PLEKHG7: variants seen among roughly 807,000 people sequenced by gnomAD.
PLEKHG7 encodes pleckstrin homology and RhoGEF domain containing G7, also known as pleckstrin homology domain-containing family G member 7.
In PLEKHG7, 77 loss-of-function variants were observed where a neutral mutation model predicts 85.2. The observed-to-expected ratio is 0.90, with a 90% CI of 0.75 to 1.09. The LOEUF (loss-of-function observed/expected upper bound fraction) is 1.09. Among genes scored for constraint, PLEKHG7 ranks in the 50% least tolerant of loss-of-function variants. PLEKHG7 has a pLI of 0.00. For missense variants in PLEKHG7, 777 were observed against 804.3 expected (o/e 0.97, Z 0.41); for synonymous variants, 301 against 302.4 (o/e 1.00, Z 0.05).
chr12:92,743,381 T>C (rs892824797), intron 9 of PLEKHG7, among the ~76,000 whole-genome samples: 3 of 152,232 alleles, frequency 2.0e-5, no homozygotes, highest in Non-Finnish European at 4.4e-5. Context: ...AGTATACCTG[T>C]GCCTCACAAG....
chr12:92,731,922 T>C (rs71456575), intron 4 of PLEKHG7, among the ~76,000 whole-genome samples: 2,514 of 152,274 alleles, frequency 0.017, 35 homozygotes, highest in Middle Eastern at 0.065. Flanking sequence ...CTCAACATCT[T>C]CAGTACAGTT....
chr12:92,717,224 AT>A (rs1444505399), intron 3 of PLEKHG7, among the ~76,000 whole-genome samples: 2 of 152,238 alleles, frequency 1.3e-5, no homozygotes, highest in Non-Finnish European at 2.9e-5. Flanking sequence ...AATTAAATAC[AT>A]CCATATTAGC....
chr12:92,749,412 C>T (rs1872625571), intron 10 of PLEKHG7: 1 of 152,176 alleles, frequency 6.6e-6, no homozygotes, highest in Non-Finnish European at 1.5e-5. Flanking sequence ...ACACCTCAGC[C>T]TCCCACATAG....
At chr12:92,757,084 G>A (rs563878309) in intron 13 of PLEKHG7, among the ~76,000 whole-genome samples, 84 of 152,348 alleles carry the variant, frequency 5.5e-4, no homozygotes, top group Non-Finnish European at 1.0e-3. Context: ...TTAGTTTCTA[G>A]CAGAGTACAT....
At chr12:92,740,491 T>C (rs1422267216) in intron 7 of PLEKHG7, among the ~76,000 whole-genome samples, 1 of 152,216 alleles carries the variant, frequency 6.6e-6, no homozygotes. Flanking sequence ...CATATGAGAA[T>C]ACACCATGAA....
rs1871237330 is a variant in PLEKHG7, at chr12:92,706,702, T to C, written c.71T>C (p.Leu24Pro). The change falls in exon 2 of 17, where the codon CTG (leucine) becomes CCG (proline). Residue 24 changes from leucine (L) to proline (P), a missense_variant. By Grantham distance (98) the Leu-to-Pro change is moderately conservative. Around this residue, in one of 3 missense-constraint regions of PLEKHG7, gnomAD observed 252 missense variants for 241.9 expected, o/e 1.04. Coordinates refer to ENST00000344636, the MANE Select transcript of PLEKHG7 (RefSeq NM_001377329.1). Reference sequence around the variant, plus strand: ...TGTGGAGCCTCTCCTCGGCCCTCGCTGAGGAGCCTGCCAAAGAACCAGGGG... The same window carrying C: ...TGTGGAGCCTCTCCTCGGCCCTCGCCGAGGAGCCTGCCAAAGAACCAGGGG... The part of the protein sequence containing the change: ...QDCGASPRPS[L>P]RSLPKNQGSL... 1 of 1,614,120 alleles carries C rather than the reference T, an allele frequency of 6.2e-7. No homozygotes were observed. Among genetic ancestry groups the C allele is most frequent in the African/African-American group, 1.3e-5 (1 of 75,052 alleles).
rs1314595767 is a variant in PLEKHG7, at chr12:92,771,554, A to T, written c.*1359A>T. On this transcript the variant is annotated 3_prime_UTR_variant, in exon 17 of 17. Coordinates refer to ENST00000344636, the MANE Select transcript of PLEKHG7 (RefSeq NM_001377329.1). ...TAAGAATAAATGAGGTGGAGGGGAG[A>T]AAAAGGGGAGAATAGACTTCAAGCT... The T allele has an allele frequency of 6.6e-6, 1 of 152,094 alleles. No individual in the cohort carries two copies. The highest frequency in any genetic ancestry group is 1.9e-4 in the East Asian group (1 of 5,174). 9.4% of individuals were successfully genotyped at this position (152,094 alleles called of 1,614,324 possible).
chr12:92,762,068 A>G (rs1873051572), intron 14 of PLEKHG7, among the ~76,000 whole-genome samples: 1 of 152,226 alleles, frequency 6.6e-6, no homozygotes, highest in Non-Finnish European at 1.5e-5. Context: ...AAGGATGTCA[A>G]AAGAGGAATA....
chr12:92,721,479 A>G, intron 3 of PLEKHG7: 1 of 1,230,782 alleles, frequency 8.1e-7, no homozygotes, highest in East Asian at 3.2e-5. Context: ...CAGCCATGGG[A>G]CTAGTCCCTT....
At position 92,770,200 on chromosome 12, in the gene PLEKHG7, C is replaced by G; in HGVS notation, c.*5C>G. On this transcript the variant is annotated 3_prime_UTR_variant, in exon 17 of 17. Coordinates refer to ENST00000344636, the MANE Select transcript of PLEKHG7 (RefSeq NM_001377329.1). ...GCAGAATCCTCTGAAATTTAGGGAC[C>G]TAAAACAAGTGGCATGTCTTTTTAG... The G allele has an allele frequency of 6.4e-7, 1 of 1,555,700 alleles. No individual in the cohort carries two copies. Among genetic ancestry groups the G allele is most frequent in the Non-Finnish European group, 8.8e-7 (1 of 1,137,824 alleles).
chr12:92,739,157 CT>C (rs1487120385), intron 7 of PLEKHG7, among the ~76,000 whole-genome samples: 1 of 152,226 alleles, frequency 6.6e-6, no homozygotes, highest in East Asian at 1.9e-4. Flanking sequence ...GGTTGCTATC[CT>C]TGAGCTAATG....
intron 3 of PLEKHG7, chr12:92,721,332 G>A: frequency 1.7e-6 from 1 of 598,382 alleles, no homozygotes; most frequent in Non-Finnish European, 2.4e-6. Flanking sequence ...GGCCTGCTCA[G>A]CAGTGGGGTT....
rs771132449 is a variant in PLEKHG7, at chr12:92,707,649, G to A, written c.508-1G>A. 2.2e-5 allele frequency: 36 copies of A among 1,613,436 alleles called. No individual in the cohort carries two copies. The highest frequency in any genetic ancestry group is 3.0e-5 in the Non-Finnish European group (35 of 1,179,746). ...ACATATGTTCTTAAAATTTATTTCAGGGAGAAGAATTGCACCCATCCAGGT... is the reference window on the plus strand; with the variant it reads ...ACATATGTTCTTAAAATTTATTTCAAGGAGAAGAATTGCACCCATCCAGGT... On this transcript the variant is annotated splice_acceptor_variant, in intron 2 of 16. Coordinates refer to ENST00000344636, the MANE Select transcript of PLEKHG7 (RefSeq NM_001377329.1). LOFTEE classifies it high-confidence loss of function.
chr12:92,748,969 T>TC (rs892536366), intron 10 of PLEKHG7, among the ~76,000 whole-genome samples: 1 of 152,090 alleles, frequency 6.6e-6, no homozygotes, highest in African/African-American at 2.4e-5. Context: ...TTGATATTGT[T>TC]CCCGTTTTTC....
intron 10 of PLEKHG7, among the ~76,000 whole-genome samples, chr12:92,747,751 T>C (rs1872574398): frequency 6.6e-6 from 1 of 152,182 alleles, no homozygotes; most frequent in Admixed American, 6.6e-5. Context: ...ATCTTGTCAC[T>C]TACAGATAAA....
chr12:92,721,556 A>G lies in PLEKHG7; in HGVS notation c.531-7437A>G. On this transcript the variant is annotated intron_variant, in intron 3 of 16. Coordinates refer to ENST00000344636, the MANE Select transcript of PLEKHG7 (RefSeq NM_001377329.1). The stretch of plus-strand genomic sequence containing the variant: ...AAAGAGTGGCTATATTGGGGTTTCT[A>G]CATGGTGGGTGGGGGTGGGGAAAGC... 16 of 818,562 alleles carry G rather than the reference A, an allele frequency of 2.0e-5. 1 individual carries two copies. In the South Asian group the frequency reaches 8.7e-4, roughly 45 times the overall value. 50.7% of individuals were successfully genotyped at this position (818,562 alleles called of 1,614,324 possible). A position where few individuals can be genotyped will look rare whatever the true frequency, so the allele number is the denominator to read the frequency against.
chr12:92,744,841 A>G (rs922149755), intron 9 of PLEKHG7, among the ~76,000 whole-genome samples: 1 of 151,632 alleles, frequency 6.6e-6, no homozygotes, highest in African/African-American at 2.4e-5. Context: ...AATTTTTTGT[A>G]TTTTTTATTA....
rs759992822 is a variant in PLEKHG7, at chr12:92,712,563, G to A, written c.530+4891G>A. Among the ~76,000 whole-genome samples, 6 of 152,204 alleles carry A rather than the reference G, an allele frequency of 3.9e-5. No individual in the cohort carries two copies. In the South Asian group the frequency reaches 1.0e-3, roughly 26 times the overall value. On this transcript the variant is annotated intron_variant, in intron 3 of 16. Coordinates refer to ENST00000344636, the MANE Select transcript of PLEKHG7 (RefSeq NM_001377329.1). ...AATGGGAGAGTTGAACAGGGATGTG[G>A]TGGGAATCACCACCCCTGCGTCTTT...
chr12:92,767,093 G>A (rs1211063619), intron 15 of PLEKHG7, among the ~76,000 whole-genome samples: 2 of 152,116 alleles, frequency 1.3e-5, no homozygotes. Flanking sequence ...AAATTAATAT[G>A]TTTCCTCATT....
Sources: allele counts gnomAD v4.1 joint callset (sites outside exome capture counted in the v4.1 genomes callset), GRCh38; gene constraint gnomAD v4.1.1; regional missense constraint gnomAD v4.1.1; transcripts MANE v1.5; gene names NCBI Gene and HGNC (gene_info 2026-07-23, HGNC 2026-07-21).